CNTNAP1: variants seen among roughly 807,000 people sequenced by gnomAD.
CNTNAP1 encodes contactin associated protein 1.
In CNTNAP1, 80 loss-of-function variants were observed where a neutral mutation model predicts 161.5. That is an observed-to-expected ratio of 0.50 (90% confidence interval 0.41 to 0.60). The LOEUF (loss-of-function observed/expected upper bound fraction) is 0.60, where lower values mean the gene tolerates loss of function less well. Among genes scored for constraint, CNTNAP1 ranks in the 20% least tolerant of loss-of-function variants. The pLI is 0.00. For missense variants in CNTNAP1, 1,464 were observed against 1,854.8 expected (o/e 0.79, Z 3.87); for synonymous variants, 695 against 733.1 (o/e 0.95, Z 0.84).
chr17:42,697,437 T>C, intron 21 of CNTNAP1, 70 bp downstream of exon 21: 4 of 1,607,430 alleles, frequency 2.5e-6, no homozygotes, highest in Non-Finnish European at 3.4e-6. Context: ...TCAAGGAAAG[T>C]GAAGGCCCTG....
intron 19 of CNTNAP1, 49 bp downstream of exon 19, chr17:42,695,923 C>T (rs767732341): frequency 1.3e-6 from 2 of 1,596,414 alleles, no homozygotes; most frequent in Admixed American, 3.4e-5. Context: ...ACCCCGGTGC[C>T]CCTAATTCTC....
At position 42,682,860 on chromosome 17, in the gene CNTNAP1, C is replaced by T. The variant is rs2052953916; in HGVS notation, c.31C>T (p.Leu11Phe). The T allele has an allele frequency of 6.3e-7, 1 of 1,598,042 alleles. No homozygotes were observed. Among genetic ancestry groups the T allele is most frequent in the Non-Finnish European group, 8.5e-7 (1 of 1,173,364 alleles). The change falls in exon 1 of 24, where the codon CTC becomes TTC. Residue 11 changes from leucine to phenylalanine, a missense_variant. By Grantham distance (22) the Leu-to-Phe change is conservative. Around this residue, in one of 3 missense-constraint regions of CNTNAP1, gnomAD observed 77 missense variants for 73.6 expected, o/e 1.05. Coordinates refer to ENST00000264638, the MANE Select transcript of CNTNAP1 (RefSeq NM_003632.3). The part of the protein sequence containing the change: MMHLRLFCIL[L>F]AAVSGAEGWG... ...GCATCTCCGGCTCTTCTGCATCCTG[C>T]TCGCCGCGGTCTCAGGAGCCGAGGG... is the stretch of plus-strand genomic sequence containing the variant.
chr17:42,692,053 G>A, intron 16 of CNTNAP1, 62 bp downstream of exon 16: 1 of 1,547,616 alleles, frequency 6.5e-7, no homozygotes, highest in Non-Finnish European at 8.8e-7. Flanking sequence ...GGGAGACAGG[G>A]GTAGGCTGGG....
At chr17:42,693,094 C>G (rs533544230) in intron 17 of CNTNAP1, among the ~76,000 whole-genome samples, 1 of 152,104 alleles carries the variant, frequency 6.6e-6, no homozygotes, top group South Asian at 2.1e-4. Context: ...GTAGCTGGGA[C>G]TACAGGCGCC....
Position 42,699,348 on chromosome 17 carries a change from AT to A in CNTNAP1, c.*439del, listed in dbSNP as rs1415665387. 1.9e-5 allele frequency: 3 copies of A among 154,422 alleles called. No individual in the cohort carries two copies. Among genetic ancestry groups the A allele is most frequent in the Non-Finnish European group, 4.3e-5 (3 of 69,354 alleles). The allele number at this position is 154,422 out of a possible 1,614,324, so 9.6% of individuals were successfully genotyped here. A position where few individuals can be genotyped will look rare whatever the true frequency, so the allele number is the denominator to read the frequency against. On this transcript the variant is annotated 3_prime_UTR_variant, in exon 24 of 24. Coordinates refer to ENST00000264638, the MANE Select transcript of CNTNAP1 (RefSeq NM_003632.3). ...TGGGGGGAGGAGGCTGCTAAACCCT[AT>A]CCCCCAGCCTCCCCCCTGCCCTGAA...
intron 3 of CNTNAP1, 52 bp downstream of exon 3, chr17:42,684,281 C>A: frequency 6.5e-7 from 1 of 1,545,028 alleles, no homozygotes; most frequent in Non-Finnish European, 8.8e-7. Context: ...CTGCTCCAGG[C>A]TCTGGGCCGG....
Position 42,698,786 on chromosome 17 carries a change from C to A in CNTNAP1, c.4031C>A (p.Thr1344Asn). The change falls in exon 24 of 24, where the codon ACC becomes AAC. Residue 1344 changes from threonine (T) to asparagine (N), a missense_variant. Transcript: ENST00000264638. ...ACTTCAGGCCCTGCCCAGGTCCCCACCCCTACAGCAGCTCCCAACCAAGCT... is the reference window on the plus strand; with the variant it reads ...ACTTCAGGCCCTGCCCAGGTCCCCAACCCTACAGCAGCTCCCAACCAAGCT... ...LPTSGPAQVPTPTAAPNQAPA... is the reference protein window; with the variant it reads ...LPTSGPAQVPNPTAAPNQAPA... 6.2e-7 allele frequency: 1 copy of A among 1,611,564 alleles called. No individual in the cohort carries two copies. The highest frequency in any genetic ancestry group is 8.5e-7 in the Non-Finnish European group (1 of 1,179,816).
Position 42,687,671 on chromosome 17 carries a change from A to G in CNTNAP1, c.1045-49A>G, listed in dbSNP as rs767919134. On this transcript the variant is annotated intron_variant, in intron 7 of 23. Coordinates refer to ENST00000264638, the MANE Select transcript of CNTNAP1 (RefSeq NM_003632.3). This position sits in a 1 kb window ranked among gnomAD's most constrained non-coding sequence, Gnocchi z 4.7. ...GGTGTGAAAACTGAATTCCCAGCTGAGGCAGAGGCGGCTCACGGGTGTTGA... is the reference window on the plus strand; with the variant it reads ...GGTGTGAAAACTGAATTCCCAGCTGGGGCAGAGGCGGCTCACGGGTGTTGA... The G allele has an allele frequency of 1.3e-6, 2 of 1,593,388 alleles. No individual in the cohort carries two copies. The highest frequency in any genetic ancestry group is 4.5e-5 in the East Asian group (2 of 44,680).
At position 42,687,687 on chromosome 17, in the gene CNTNAP1, C is replaced by T. The variant is rs778724845; in HGVS notation, c.1045-33C>T. The T allele has an allele frequency of 3.1e-6, 5 of 1,605,894 alleles. No homozygotes were observed. Among genetic ancestry groups the T allele is most frequent in the Non-Finnish European group, 3.4e-6 (4 of 1,174,568 alleles). On this transcript the variant is annotated intron_variant, in intron 7 of 23. Transcript: ENST00000264638. The surrounding 1 kb of genome is among the most constrained non-coding windows in gnomAD (Gnocchi z 4.7). Reference sequence around the variant, plus strand: ...TCCCAGCTGAGGCAGAGGCGGCTCACGGGTGTTGATGCGTCTTCACTTTTG... The same window carrying T: ...TCCCAGCTGAGGCAGAGGCGGCTCATGGGTGTTGATGCGTCTTCACTTTTG...
At position 42,699,992 on chromosome 17, in the gene CNTNAP1, C is replaced by G. The variant is rs2053207690; in HGVS notation, c.*1082C>G. The stretch of plus-strand genomic sequence containing the variant: ...CCAATAAAGCAGAGTGGCAGAGCCC[C>G]AGTCTGTGTGTGGTAGCTGGCGTCG... On this transcript the variant is annotated 3_prime_UTR_variant, in exon 24 of 24. Transcript: ENST00000264638. 6.6e-6 allele frequency among the ~76,000 whole-genome samples: 1 copy of G among 152,200 alleles called. No homozygotes were observed. The highest frequency in any genetic ancestry group is 2.4e-5 in the African/African-American group (1 of 41,444).
chr17:42,697,014 G>T (rs2053159828), intron 20 of CNTNAP1, among the ~76,000 whole-genome samples: 1 of 151,598 alleles, frequency 6.6e-6, no homozygotes, highest in African/African-American at 2.4e-5. Context: ...TCTTCACAAA[G>T]AAAAATATTT....
At position 42,685,904 on chromosome 17, in the gene CNTNAP1, C is replaced by G; in HGVS notation, c.716-53C>G. On this transcript the variant is annotated intron_variant, in intron 5 of 23. Coordinates refer to ENST00000264638, the MANE Select transcript of CNTNAP1 (RefSeq NM_003632.3). The surrounding 1 kb of genome is among the most constrained non-coding windows in gnomAD (Gnocchi z 5.0). ...CTGCTGCTCTGCCTAGGAGCTTGGA[C>G]TCCATGGAGTTCTCCTGGCTTGAGG... 1 of 1,591,780 alleles carries G rather than the reference C, an allele frequency of 6.3e-7. No homozygotes were observed. The highest frequency in any genetic ancestry group is 1.1e-5 in the South Asian group (1 of 90,060).
chr17:42,696,035 G>A lies in CNTNAP1; in HGVS notation c.3357G>A (p.Gln1119=). ...AVLIKDDGTL[Q]LRYQLGTSPY... Reference sequence around the variant, plus strand: ...CTCCCCACCCCACAGGGACCCTTCAGCTGCGATATCAGCTGGGCACCAGTC... The same window carrying A: ...CTCCCCACCCCACAGGGACCCTTCAACTGCGATATCAGCTGGGCACCAGTC... Residue 1119 remains glutamine, a synonymous_variant, in exon 20 of 24, where the codon CAG becomes CAA. Coordinates refer to ENST00000264638, the MANE Select transcript of CNTNAP1 (RefSeq NM_003632.3). The A allele has an allele frequency of 1.2e-6, 2 of 1,614,100 alleles. No homozygotes were observed. The highest frequency in any genetic ancestry group is 1.7e-6 in the Non-Finnish European group (2 of 1,180,010).
Position 42,691,314 on chromosome 17 carries a change from G to C in CNTNAP1, c.2216+21G>C, listed in dbSNP as rs775916527. 4.3e-6 allele frequency: 7 copies of C among 1,613,982 alleles called. No individual in the cohort carries two copies. In the Admixed American group the frequency reaches 6.7e-5, roughly 15 times the overall value. On this transcript the variant is annotated intron_variant, in intron 14 of 23. Transcript: ENST00000264638. The surrounding 1 kb of genome is among the most constrained non-coding windows in gnomAD (Gnocchi z 4.3). ...CAGTGGTGAGGGGGCAAAGGGACAG[G>C]GTTTTTAGGACTCCGGGAGTGGGAG...
intron 6 of CNTNAP1, 95 bp from the exon 7 acceptor site, chr17:42,686,808 C>T: frequency 7.1e-7 from 1 of 1,404,966 alleles, no homozygotes; most frequent in Non-Finnish European, 9.7e-7. Context: ...TTACAAAACC[C>T]CATCTGGCAT....
rs897760189 is a variant in CNTNAP1, at chr17:42,685,047, C to T, written c.420C>T (p.His140=). The T allele has an allele frequency of 6.3e-6, 10 of 1,588,436 alleles. No individual in the cohort carries two copies. Among genetic ancestry groups the T allele is most frequent in the Non-Finnish European group, 8.5e-6 (10 of 1,169,996 alleles). The part of the protein sequence containing the change: ...SAVVRHDLHF[H]FTARYIRIVP... ...TGGTGCGCCATGACCTGCACTTCCA[C>T]TTCACTGCGCGCTACATCCGCATCG... is the stretch of plus-strand genomic sequence containing the variant. Residue 140 remains histidine, a synonymous_variant, in exon 4 of 24, where the codon CAC becomes CAT. Transcript: ENST00000264638. This position sits in a 1 kb window ranked among gnomAD's most constrained non-coding sequence, Gnocchi z 5.0.
In CNTNAP1 at chr17:42,684,033, T is replaced by C. The variant is rs373439152; in HGVS notation, c.170-3T>C. 1 of 1,614,046 alleles carries C rather than the reference T, an allele frequency of 6.2e-7. No homozygotes were observed. The highest frequency in any genetic ancestry group is 1.3e-5 in the African/African-American group (1 of 75,034). Reference sequence around the variant, plus strand: ...CCGGTTAAAGCTCCTGTCCTTTCTATAGGCATAAGCGGGTGGTCACCACGG... The same window carrying C: ...CCGGTTAAAGCTCCTGTCCTTTCTACAGGCATAAGCGGGTGGTCACCACGG... On this transcript the variant is annotated splice_polypyrimidine_tract_variant and splice_region_variant and intron_variant, in intron 2 of 23. Coordinates refer to ENST00000264638, the MANE Select transcript of CNTNAP1 (RefSeq NM_003632.3).
rs1449621831 is a variant in CNTNAP1 at position 42,698,608 on chromosome 17, T to A, written c.3863-10T>A. The A allele has an allele frequency of 5.0e-6, 8 of 1,585,844 alleles. No individual in the cohort carries two copies. ...CCAAAGATCTGAATTGTCCCTTTTC[T>A]TCTTTTCAGTTTTGGTGGCCTTTCT... is the stretch of plus-strand genomic sequence containing the variant. On this transcript the variant is annotated splice_polypyrimidine_tract_variant and intron_variant, in intron 23 of 23. Transcript: ENST00000264638.
intron 10 of CNTNAP1, 54 bp downstream of exon 10, chr17:42,689,101 C>A (rs1042524344): frequency 1.3e-6 from 2 of 1,495,372 alleles, no homozygotes; most frequent in Non-Finnish European, 1.8e-6. Context: ...CTTCCCTGGT[C>A]TCCCAGTAGG....
Sources: allele counts gnomAD v4.1 joint callset (sites outside exome capture counted in the v4.1 genomes callset), GRCh38; gene constraint gnomAD v4.1.1; regional missense constraint gnomAD v4.1.1; non-coding constraint Gnocchi (gnomAD v3.1); transcripts MANE v1.5; gene names NCBI Gene and HGNC (gene_info 2026-07-23, HGNC 2026-07-21).